Variants in RBFOX1 observed in about 807,000 individuals in gnomAD.
The protein encoded by RBFOX1 is RNA binding fox-1 homolog 1.
Under a neutral mutation model 57.7 loss-of-function variants are expected in RBFOX1, and 8 were observed. The observed-to-expected ratio is 0.14, with a 90% confidence interval of 0.08 to 0.25. The LOEUF is 0.25. Among genes scored for constraint, RBFOX1 ranks in the 10% least tolerant of loss-of-function variants. The pLI is 1.00. For missense variants in RBFOX1, 611 were observed against 548.5 expected, an observed-to-expected ratio of 1.11 and a Z score of -1.14; for synonymous variants, 326 against 222.4, an observed-to-expected ratio of 1.47 and a Z score of -4.15.
At chr16:5,406,949 G>C in intron 1 of RBFOX1, among the ~76,000 whole-genome samples, 1 of 152,186 alleles carries the variant, frequency 6.6e-6, no homozygotes, top group Non-Finnish European at 1.5e-5. Context: ...GGGCTTCCCT[G>C]AGGAAGTGAC....
intron 3 of RBFOX1, among the ~76,000 whole-genome samples, chr16:6,916,903 G>T (rs750611687): frequency 1.3e-5 from 2 of 152,114 alleles, no homozygotes; most frequent in Non-Finnish European, 2.9e-5. Context: ...AGGCTAGAGT[G>T]CAGTGACATA....
intron 14 of RBFOX1, among the ~76,000 whole-genome samples, chr16:7,689,913 G>GT (rs1414329541): frequency 6.6e-6 from 1 of 152,046 alleles, no homozygotes; most frequent in Admixed American, 6.6e-5. Context: ...CTTGGATACT[G>GT]TATCAGGTTT....
chr16:7,147,892 A>T (rs2152244864), intron 4 of RBFOX1, among the ~76,000 whole-genome samples: 1 of 152,318 alleles, frequency 6.6e-6, no homozygotes, highest in Middle Eastern at 3.4e-3. Context: ...AGAAACCTCC[A>T]GGCTGCTTTC....
intron 2 of RBFOX1, among the ~76,000 whole-genome samples, chr16:6,640,233 G>T (rs2098475976): frequency 6.6e-6 from 1 of 152,132 alleles, no homozygotes; most frequent in African/African-American, 2.4e-5. Context: ...TAGTGTTTCA[G>T]ATACGCCTTT....
intron 3 of RBFOX1, among the ~76,000 whole-genome samples, chr16:6,735,259 A>G (rs1005066344): frequency 2.0e-5 from 3 of 152,204 alleles, no homozygotes; most frequent in African/African-American, 4.8e-5. Flanking sequence ...TTGGGAGTTA[A>G]GTACACTTGC....
intron 5 of RBFOX1, among the ~76,000 whole-genome samples, chr16:7,576,363 T>C (rs935349019): frequency 6.6e-6 from 1 of 152,226 alleles, no homozygotes; most frequent in Non-Finnish European, 1.5e-5. Context: ...TCCCACCATA[T>C]AAAAGGCATG....
intron 3 of RBFOX1, among the ~76,000 whole-genome samples, chr16:6,686,234 C>G (rs964864090): frequency 6.6e-6 from 1 of 152,154 alleles, no homozygotes; most frequent in Admixed American, 6.5e-5. Context: ...AGGTAGAGGT[C>G]TCAAATTAGA....
At position 7,192,891 on chromosome 16, in the gene RBFOX1, C is replaced by T. The variant is rs1320054296; in HGVS notation, c.27+140793C>T. Among the ~76,000 whole-genome samples the T allele has an allele frequency of 3.3e-5, 5 of 152,166 alleles. No individual in the cohort carries two copies. The South Asian group carries it at 6.2e-4, about 19-fold the overall frequency. On this transcript the variant is annotated intron_variant, in intron 4 of 15. Transcript: ENST00000550418. ...TCATGTGCTTACAACATTGTTACTT[C>T]GCCAGTCTCACACCCTCTTCTGAGA... is the stretch of plus-strand genomic sequence containing the variant.
chr16:6,149,217 G>C (rs2096780551), intron 1 of RBFOX1, among the ~76,000 whole-genome samples: 1 of 152,254 alleles, frequency 6.6e-6, no homozygotes, highest in African/African-American at 2.4e-5. Context: ...GTATGTGTGT[G>C]TGTGCGCGCG....
chr16:6,994,516 ATTTTCTTGCATTTTTTAAT>A (rs997143035), intron 3 of RBFOX1, among the ~76,000 whole-genome samples: 2 of 152,064 alleles, frequency 1.3e-5, no homozygotes, highest in Non-Finnish European at 2.9e-5. Flanking sequence ...CAAGTGACCG[ATTTTCTTGCATTTTTTAAT>A]AGAAGCAAAA....
chr16:5,899,046 A>C (rs1248035910), intron 4 of RBFOX1, among the ~76,000 whole-genome samples: 1 of 151,110 alleles, frequency 6.6e-6, no homozygotes, highest in African/African-American at 2.4e-5. Flanking sequence ...TTTTAGTTTC[A>C]GAGATACCTG....
At chr16:5,703,753 G>A (rs2051138234) in intron 3 of RBFOX1, among the ~76,000 whole-genome samples, 1 of 152,068 alleles carries the variant, frequency 6.6e-6, no homozygotes, top group Admixed American at 6.5e-5. Flanking sequence ...GTGTATATAT[G>A]TGTGTATATG....
intron 3 of RBFOX1, among the ~76,000 whole-genome samples, chr16:6,756,698 C>G (rs1411762853): frequency 1.3e-5 from 2 of 152,048 alleles, no homozygotes; most frequent in African/African-American, 4.8e-5. Context: ...CAGGCCGGGC[C>G]TGGTGGTTCA....
chr16:6,661,218 A>G lies in RBFOX1; in HGVS notation c.-16+6568A>G, dbSNP rs111937788. Among the ~76,000 whole-genome samples, 273 of 152,328 alleles carry G rather than the reference A, an allele frequency of 1.8e-3. 1 individual carries two copies. Among genetic ancestry groups the G allele is most frequent in the African/African-American group, 6.1e-3 (255 of 41,570 alleles). ...GAAGCACACATGCAGAAAAGTTTCAAGAGACTTACAAGACTTGAGTGTTGA... is the reference window on the plus strand; with the variant it reads ...GAAGCACACATGCAGAAAAGTTTCAGGAGACTTACAAGACTTGAGTGTTGA... On this transcript the variant is annotated intron_variant, in intron 3 of 15. Coordinates refer to ENST00000550418, the MANE Select transcript of RBFOX1 (RefSeq NM_018723.4).
intron 2 of RBFOX1, among the ~76,000 whole-genome samples, chr16:6,503,642 C>A (rs2096004562): frequency 6.6e-6 from 1 of 152,160 alleles, no homozygotes; most frequent in Non-Finnish European, 1.5e-5. Flanking sequence ...TAACTTGAGT[C>A]TCAGGGACCC....
At chr16:7,285,654 A>G (rs2141325193) in intron 4 of RBFOX1, among the ~76,000 whole-genome samples, 1 of 152,054 alleles carries the variant, frequency 6.6e-6, no homozygotes, top group East Asian at 1.9e-4. Context: ...AGGCATTGAC[A>G]TTTTTTGATC....
intron 2 of RBFOX1, among the ~76,000 whole-genome samples, chr16:5,571,695 G>A (rs550723217): frequency 6.6e-6 from 1 of 152,246 alleles, no homozygotes; most frequent in African/African-American, 2.4e-5. Context: ...GGCCTGCACC[G>A]AGTCAAGCAG....
At chr16:7,688,213 A>G (rs2076487298) in intron 14 of RBFOX1, among the ~76,000 whole-genome samples, 1 of 133,116 alleles carries the variant, frequency 7.5e-6, no homozygotes, top group South Asian at 2.6e-4. Context: ...CATCCTTGGC[A>G]GGTTTAAATG....
chr16:6,905,336 C>T (rs867672841), intron 3 of RBFOX1, among the ~76,000 whole-genome samples: 4 of 152,084 alleles, frequency 2.6e-5, no homozygotes, highest in Middle Eastern at 3.4e-3. Flanking sequence ...GGTGGATCCC[C>T]TGAGGTTGGG....
Sources: allele counts gnomAD v4.1 joint callset (sites outside exome capture counted in the v4.1 genomes callset), GRCh38; gene constraint gnomAD v4.1.1; transcripts MANE v1.5; gene names NCBI Gene and HGNC (gene_info 2026-07-23, HGNC 2026-07-21).